Variants in PTPRD observed in about 807,000 individuals in gnomAD.
PTPRD encodes the protein protein tyrosine phosphatase receptor type D.
PTPRD carries 34 observed loss-of-function variants against 214.5 expected under a neutral mutation model. The ratio of observed to expected loss-of-function variants is 0.16; its 90% CI spans 0.12 to 0.21. The LOEUF (loss-of-function observed/expected upper bound fraction) is 0.21. Among genes scored for constraint, PTPRD ranks in the 10% least tolerant of loss-of-function variants. The pLI, the probability that PTPRD is intolerant of heterozygous loss-of-function variation, is 1.00. For missense variants in PTPRD, 2,545 were observed against 2,398.7 expected (o/e 1.06, Z -1.27); for synonymous variants, 1,128 against 845.7 (o/e 1.33, Z -5.79).
At chr9:9,481,671 G>T (rs1443409877) in intron 8 of PTPRD, among the ~76,000 whole-genome samples, 2 of 151,660 alleles carry the variant, frequency 1.3e-5, no homozygotes, top group African/African-American at 4.8e-5. Context: ...GAAGAAAGAG[G>T]TCCATGAAGG....
intron 2 of PTPRD, among the ~76,000 whole-genome samples, chr9:10,424,718 C>T (rs926058735): frequency 6.6e-5 from 10 of 151,864 alleles, no homozygotes; most frequent in Admixed American, 2.6e-4. Context: ...GGTAAATGAC[C>T]ACCACTAGAA....
At chr9:8,543,634 T>A (rs568731272) in intron 14 of PTPRD, among the ~76,000 whole-genome samples, 1 of 152,332 alleles carries the variant, frequency 6.6e-6, no homozygotes, top group South Asian at 2.1e-4. Flanking sequence ...CATGGGCACA[T>A]GTTGTCATTT....
intron 8 of PTPRD, among the ~76,000 whole-genome samples, chr9:9,488,128 G>C (rs1027097261): frequency 5.3e-5 from 8 of 152,102 alleles, no homozygotes; most frequent in African/African-American, 1.4e-4. Context: ...TGTAGTATCT[G>C]TCTGATGTAA....
intron 11 of PTPRD, among the ~76,000 whole-genome samples, chr9:8,995,712 G>A (rs1327394427): frequency 1.3e-5 from 2 of 151,508 alleles, no homozygotes; most frequent in Non-Finnish European, 2.9e-5. Context: ...TCAGAGCAGA[G>A]CTCATTCACA....
At chr9:9,286,873 A>AATAT (rs34631864) in intron 9 of PTPRD, among the ~76,000 whole-genome samples, 158 of 76,916 alleles carry the variant, frequency 2.1e-3, no homozygotes, top group Non-Finnish European at 2.7e-3. Context: ...GAAACTACTG[A>AATAT]ATATATATAT....
chr9:8,374,300 A>G (rs2082563266), intron 39 of PTPRD, among the ~76,000 whole-genome samples: 1 of 151,904 alleles, frequency 6.6e-6, no homozygotes, highest in Non-Finnish European at 1.5e-5. Flanking sequence ...GATCTGACCA[A>G]GCAGAGGCAC....
At chr9:10,567,717 C>T (rs10959170) in intron 2 of PTPRD, among the ~76,000 whole-genome samples, 39,035 of 151,454 alleles carry the variant, frequency 0.26, 5,686 homozygotes, top group Non-Finnish European at 0.33. Context: ...TTTTCTACTA[C>T]CAAATAATTA....
chr9:8,353,803 CCTT>C (rs1260778280), intron 39 of PTPRD, among the ~76,000 whole-genome samples: 4 of 107,774 alleles, frequency 3.7e-5, no homozygotes, highest in Admixed American at 8.8e-5. Flanking sequence ...ATTTGAGACT[CCTT>C]CTCAAAAAAA....
At chr9:10,391,548 C>T (rs2154491388) in intron 2 of PTPRD, among the ~76,000 whole-genome samples, 1 of 151,844 alleles carries the variant, frequency 6.6e-6, no homozygotes, top group South Asian at 2.1e-4. Context: ...GATATGAATG[C>T]CTGTATAGTC....
At chr9:9,546,260 A>C (rs1411998355) in intron 8 of PTPRD, among the ~76,000 whole-genome samples, 1 of 151,562 alleles carries the variant, frequency 6.6e-6, no homozygotes, top group Non-Finnish European at 1.5e-5. Flanking sequence ...TACATAGAAG[A>C]TCATGTCATC....
intron 12 of PTPRD, among the ~76,000 whole-genome samples, chr9:8,689,491 G>T (rs1211707600): frequency 6.6e-6 from 1 of 152,158 alleles, no homozygotes; most frequent in Non-Finnish European, 1.5e-5. Flanking sequence ...GAGGTGAAAT[G>T]CACTTCTTAC....
chr9:8,643,781 C>G (rs1401276590), intron 12 of PTPRD, among the ~76,000 whole-genome samples: 2 of 152,164 alleles, frequency 1.3e-5, no homozygotes, highest in African/African-American at 4.8e-5. Flanking sequence ...GAAGGGAAGC[C>G]AAGTGGGGAG....
At chr9:8,318,196 A>C (rs896338596) in intron 45 of PTPRD, among the ~76,000 whole-genome samples, 15 of 151,982 alleles carry the variant, frequency 9.9e-5, no homozygotes, top group Admixed American at 6.6e-5. Context: ...GGTCGAGTGA[A>C]CATTACCTTC....
chr9:9,481,148 G>C (rs1349791392), intron 8 of PTPRD, among the ~76,000 whole-genome samples: 1 of 152,168 alleles, frequency 6.6e-6, no homozygotes, highest in South Asian at 2.1e-4. Context: ...AAAGGGTGGA[G>C]TGTAGCGAGG....
At chr9:9,618,205 C>A (rs966762286) in intron 7 of PTPRD, among the ~76,000 whole-genome samples, 1 of 146,614 alleles carries the variant, frequency 6.8e-6, no homozygotes, top group African/African-American at 2.5e-5. Flanking sequence ...CATATCTAAT[C>A]TGTGTTAGAC....
At position 8,661,980 on chromosome 9, in the gene PTPRD, C is replaced by T. The variant is rs537976926; in HGVS notation, c.65-25136G>A. 8.5e-5 allele frequency among the ~76,000 whole-genome samples: 13 copies of T among 152,216 alleles called. No homozygotes were observed. The East Asian group carries it at 2.5e-3, about 29-fold the overall frequency. On this transcript the variant is annotated intron_variant, in intron 12 of 45. Coordinates refer to ENST00000381196, the MANE Select transcript of PTPRD (RefSeq NM_002839.4). ...CATTCATTCTACAGGTAAAGCCTTGCTACGTTGCCCAGGCTGGTCTTAAAC... is the reference window on the plus strand; with the variant it reads ...CATTCATTCTACAGGTAAAGCCTTGTTACGTTGCCCAGGCTGGTCTTAAAC...
intron 14 of PTPRD, among the ~76,000 whole-genome samples, chr9:8,584,461 A>G (rs2154256102): frequency 6.6e-6 from 1 of 152,098 alleles, no homozygotes; most frequent in South Asian, 2.1e-4. Context: ...TGAAAAAAAA[A>G]AAAATTTACA....
chr9:10,214,972 C>T (rs925231271), intron 3 of PTPRD, among the ~76,000 whole-genome samples: 1 of 151,942 alleles, frequency 6.6e-6, no homozygotes, highest in Admixed American at 6.6e-5. Flanking sequence ...GGGAAATGGA[C>T]AAGTGCTGAA....
At chr9:10,343,076 C>T (rs2096974607) in intron 2 of PTPRD, among the ~76,000 whole-genome samples, 1 of 152,122 alleles carries the variant, frequency 6.6e-6, no homozygotes, top group African/African-American at 2.4e-5. Context: ...TTGTTGCACA[C>T]ATCAATTCCT....
Sources: allele counts gnomAD v4.1 joint callset (sites outside exome capture counted in the v4.1 genomes callset), GRCh38; gene constraint gnomAD v4.1.1; transcripts MANE v1.5; gene names NCBI Gene and HGNC (gene_info 2026-07-23, HGNC 2026-07-21).